Variants in PLEC observed in about 807,000 individuals in gnomAD.
The protein encoded by PLEC is plectin.
In PLEC, 216 loss-of-function variants were observed where a neutral mutation model predicts 392.8. The observed-to-expected ratio is 0.55, with a 90% CI of 0.49 to 0.62. PLEC has a LOEUF of 0.62. Ranked by LOEUF, PLEC falls within the 20% of genes least tolerant of loss-of-function variation. PLEC has a pLI of 0.00. For synonymous variants in PLEC, 3,621 were observed against 2,980.6 expected, an observed-to-expected ratio of 1.21 and a Z score of -7.00; for missense variants, 6,863 against 6,563.4, an observed-to-expected ratio of 1.05 and a Z score of -1.58.
chr8:143,942,398 A>G, upstream of PLEC: 1 of 1,603,258 alleles, frequency 6.2e-7, no homozygotes, highest in Non-Finnish European at 8.5e-7. Flanking sequence ...CCACCTACGC[A>G]GCACAGCTGC....
chr8:143,972,505 G>C (rs1426602437), intron 1 of PLEC, among the ~76,000 whole-genome samples: 1 of 152,186 alleles, frequency 6.6e-6, no homozygotes, highest in Non-Finnish European at 1.5e-5. Context: ...GGCACCACGG[G>C]GCCCCAGCAG....
At chr8:143,952,220 A>AAACGCGCG (rs1832256336), upstream of PLEC, among the ~76,000 whole-genome samples, 3 of 139,784 alleles carry the variant, frequency 2.1e-5, no homozygotes, top group Non-Finnish European at 4.6e-5. Context: ...GCGCGCACAC[A>AAACGCGCG]CGCACGCGCA....
At position 143,921,310 on chromosome 8, in the gene PLEC, C is replaced by T; in HGVS notation, c.8511G>A (p.Glu2837=). Residue 2837 remains glutamate (E), a synonymous_variant, in exon 32 of 32, where the codon GAG becomes GAA. Coordinates refer to ENST00000345136, the MANE Select transcript of PLEC (RefSeq NM_201384.3). ...DVAYRRGYFD[E]EMNRVLADPS... The stretch of plus-strand genomic sequence containing the variant: ...GGTCCGCCAGGACGCGGTTCATCTC[C>T]TCGTCGAAGTAGCCGCGCCGGTAGG... 6.2e-7 allele frequency: 1 copy of T among 1,614,020 alleles called. No homozygotes were observed. Among genetic ancestry groups the T allele is most frequent in the South Asian group, 1.1e-5 (1 of 91,086 alleles).
chr8:143,944,153 G>C (rs916851089), upstream of PLEC, among the ~76,000 whole-genome samples: 1 of 151,916 alleles, frequency 6.6e-6, no homozygotes, highest in African/African-American at 2.4e-5. Context: ...TCCCTGCGCA[G>C]GGCTACTGAC....
intron 3 of PLEC, chr8:143,937,803 G>A (rs566388122): frequency 5.9e-4 from 313 of 532,010 alleles, no homozygotes; most frequent in Non-Finnish European, 9.5e-4. Flanking sequence ...CCAGAGCAGG[G>A]CAAAGGGTAA....
Position 143,924,723 on chromosome 8 carries a change from GCTC to G in PLEC, c.5203_5205del (p.Glu1735del), listed in dbSNP as rs1554698788. 2 of 1,533,936 alleles carry G rather than the reference GCTC, an allele frequency of 1.3e-6. No individual in the cohort carries two copies. The highest frequency in any genetic ancestry group is 1.7e-6 in the Non-Finnish European group (2 of 1,145,940). ...GCCGCCTCACGCTGCAGCCGGGCCA[GCTC>G]CTCCTCCAGCAGCTGCCGCTGCTGC... On this transcript the variant is annotated inframe_deletion, in exon 31 of 32. Coordinates refer to ENST00000345136, the MANE Select transcript of PLEC (RefSeq NM_201384.3).
At chr8:143,939,624 T>C (rs548930263), upstream of PLEC, 17 of 1,445,094 alleles carry the variant, frequency 1.2e-5, no homozygotes, top group South Asian at 5.7e-5. Flanking sequence ...CCCTGCCTGC[T>C]GTACTCCCCG....
At position 143,927,326 on chromosome 8, in the gene PLEC, C is replaced by G. The variant is rs1384763800; in HGVS notation, c.3766G>C (p.Glu1256Gln). 1.9e-6 allele frequency: 3 copies of G among 1,612,970 alleles called. No individual in the cohort carries two copies. Among genetic ancestry groups the G allele is most frequent in the Non-Finnish European group, 2.5e-6 (3 of 1,179,936 alleles). Residue 1256 changes from glutamate (E) to glutamine (Q), a missense_variant, in exon 28 of 32, where the codon GAG becomes CAG. Coordinates refer to ENST00000345136, the MANE Select transcript of PLEC (RefSeq NM_201384.3). Reference protein sequence around the residue: ...EQLRQEQALLEEIERHGEKVE... With the variant: ...EQLRQEQALLQEIERHGEKVE... ...TTCTCGCCGTGGCGCTCGATCTCCTCCAGCAGGGCCTGGGTGATGGTGTGG... is the reference window on the plus strand; with the variant it reads ...TTCTCGCCGTGGCGCTCGATCTCCTGCAGCAGGGCCTGGGTGATGGTGTGG...
chr8:143,927,348 G>A lies in PLEC; in HGVS notation c.3757-13C>T, dbSNP rs1554707201. 6.2e-7 allele frequency: 1 copy of A among 1,612,432 alleles called. No individual in the cohort carries two copies. Reference sequence around the variant, plus strand: ...CCTCCAGCAGGGCCTGGGTGATGGTGTGGTCAGAGCCGTGGCCGCAGGGCA... The same window carrying A: ...CCTCCAGCAGGGCCTGGGTGATGGTATGGTCAGAGCCGTGGCCGCAGGGCA... On this transcript the variant is annotated splice_polypyrimidine_tract_variant and intron_variant, in intron 27 of 31. Coordinates refer to ENST00000345136, the MANE Select transcript of PLEC (RefSeq NM_201384.3).
In PLEC at chr8:143,938,738, G is replaced by A. The variant is rs186447898; in HGVS notation, c.113-46C>T. 1.4e-3 allele frequency: 2,203 copies of A among 1,556,620 alleles called. 16 individuals are homozygous for A. The African/African-American group carries it at 0.025, about 17-fold the overall frequency. Reference sequence around the variant, plus strand: ...TTACCTGGGGCCTGGGAGAAGCCCCGGGGGCCCTCAGGTGACCACCGTGCA... The same window carrying A: ...TTACCTGGGGCCTGGGAGAAGCCCCAGGGGCCCTCAGGTGACCACCGTGCA... On this transcript the variant is annotated intron_variant, in intron 1 of 31. Transcript: ENST00000345136.
upstream of PLEC, chr8:143,975,522 C>T (rs897734754): frequency 7.2e-6 from 5 of 689,984 alleles, no homozygotes; most frequent in South Asian, 1.6e-5. The surrounding 1 kb of genome is among the most constrained non-coding windows in gnomAD (Gnocchi z 9.9). Flanking sequence ...CCCTCCTGCA[C>T]TCTGCTGTAC....
In PLEC at chr8:143,925,256, T is replaced by C. The variant is rs782041093; in HGVS notation, c.4673A>G (p.Glu1558Gly). 2 of 1,584,828 alleles carry C rather than the reference T, an allele frequency of 1.3e-6. No individual in the cohort carries two copies. The highest frequency in any genetic ancestry group is 3.4e-5 in the Admixed American group (2 of 59,146). ...GGCCACCTGTACCTGCCGCGCTCGC[T>C]CCACCTCGGCCTGCCGCAGGCGCCG... ...AERRLRQAEV[E>G]RARQVQVALE... The change falls in exon 31 of 32, where the codon GAG becomes GGG. Residue 1558 changes from glutamate (E) to glycine (G), a missense_variant. Physicochemically the swap from Glu to Gly is moderately conservative, Grantham distance 98. Transcript: ENST00000345136.
chr8:143,928,993 C>T (rs1451575026), intron 25 of PLEC, 110 bp downstream of exon 25: 2 of 1,026,692 alleles, frequency 1.9e-6, no homozygotes, highest in South Asian at 1.4e-5. Flanking sequence ...GGCCAGATCT[C>T]TGAACAGCCC....
In PLEC at chr8:143,935,073, C is replaced by T. The variant is rs1017867457; in HGVS notation, c.763G>A (p.Val255Ile). 3.1e-6 allele frequency: 5 copies of T among 1,612,804 alleles called. No homozygotes were observed. The highest frequency in any genetic ancestry group is 4.2e-6 in the Non-Finnish European group (5 of 1,179,974). ...QPDEKSIITY[V>I]SSLYDAMPRV... Reference sequence around the variant, plus strand: ...GGCATGGCGTCATACAGCGACGAGACGTAGGTGATGATGGACTTCTCGTCG... The same window carrying T: ...GGCATGGCGTCATACAGCGACGAGATGTAGGTGATGATGGACTTCTCGTCG... The change falls in exon 8 of 32, where the codon GTC (valine) becomes ATC (isoleucine). Residue 255 changes from valine (V) to isoleucine (I), a missense_variant. By Grantham distance (29) the Val-to-Ile change is conservative. Transcript: ENST00000345136.
rs1554691577 is a variant in PLEC at position 143,923,190 on chromosome 8, T to C, written c.6739A>G (p.Ile2247Val). Residue 2247 changes from isoleucine (I) to valine (V), a missense_variant, in exon 31 of 32, where the codon ATC becomes GTC. Physicochemically the swap from Ile to Val is conservative, Grantham distance 29 (BLOSUM62 3). Coordinates refer to ENST00000345136, the MANE Select transcript of PLEC (RefSeq NM_201384.3). The part of the protein sequence containing the change: ...MEELSKLKAR[I>V]EAENRALILR... Reference sequence around the variant, plus strand: ...ATGAGTGCGCGGTTCTCAGCCTCGATGCGTGCCTTGAGCTTGCTCAGCTCC... The same window carrying C: ...ATGAGTGCGCGGTTCTCAGCCTCGACGCGTGCCTTGAGCTTGCTCAGCTCC... 4 of 1,602,606 alleles carry C rather than the reference T, an allele frequency of 2.5e-6. No homozygotes were observed. The highest frequency in any genetic ancestry group is 3.4e-6 in the Non-Finnish European group (4 of 1,179,876).
chr8:143,965,566 A>G (rs578157478), intron 1 of PLEC, among the ~76,000 whole-genome samples: 20 of 152,206 alleles, frequency 1.3e-4, no homozygotes, highest in African/African-American at 4.3e-4. Context: ...CAGCGGTGGG[A>G]GATCTGGGCA....
upstream of PLEC, among the ~76,000 whole-genome samples, chr8:143,940,696 G>A (rs925889532): frequency 1.3e-5 from 2 of 152,110 alleles, no homozygotes; most frequent in African/African-American, 2.4e-5. Flanking sequence ...AGCTGCACTC[G>A]GCCTCAGTTC....
In PLEC at chr8:143,973,293, G is replaced by A. The variant is rs1364970125; in HGVS notation, c.70+110C>T. ...GGCGATCCAGGCGGACGAGGCCGGC[G>A]GAGTGGCCGCGCTCGGGCCGGCGAT... On this transcript the variant is annotated intron_variant, in intron 1 of 31. Transcript: ENST00000356346. The surrounding 1 kb of genome is among the most constrained non-coding windows in gnomAD (Gnocchi z 5.6). 2.9e-6 allele frequency: 4 copies of A among 1,359,548 alleles called. No individual in the cohort carries two copies. The highest frequency in any genetic ancestry group is 1.5e-5 in the African/African-American group (1 of 65,708). The allele number at this position is 1,359,548 out of a possible 1,614,324, so 84.2% of individuals were successfully genotyped here. A position where few individuals can be genotyped will look rare whatever the true frequency, so the allele number is the denominator to read the frequency against.
upstream of PLEC, among the ~76,000 whole-genome samples, chr8:143,957,096 C>T (rs1436597483): frequency 6.6e-6 from 1 of 152,086 alleles, no homozygotes; most frequent in Non-Finnish European, 1.5e-5. Flanking sequence ...GGGCTACAGC[C>T]GGGGATTTCA....
Sources: allele counts gnomAD v4.1 joint callset (sites outside exome capture counted in the v4.1 genomes callset), GRCh38; gene constraint gnomAD v4.1.1; non-coding constraint Gnocchi (gnomAD v3.1); transcripts MANE v1.5; gene names NCBI Gene and HGNC (gene_info 2026-07-23, HGNC 2026-07-21).